Variants in ENOX1 observed in about 807,000 individuals in gnomAD.
ENOX1 encodes the protein ecto-NOX disulfide-thiol exchanger 1.
A neutral mutation model predicts 82.5 loss-of-function variants in ENOX1; 42 were observed. That is an observed-to-expected ratio of 0.51 (90% CI 0.40 to 0.66). The LOEUF is 0.66. Among genes scored for constraint, ENOX1 ranks in the 30% least tolerant of loss-of-function variants. ENOX1 has a pLI of 0.00. For synonymous variants in ENOX1, 271 were observed against 282.2 expected (o/e 0.96, Z 0.40); for missense variants, 608 against 811.6 (o/e 0.75, Z 3.05).
At chr13:43,379,132 G>T (rs1232672015) in intron 5 of ENOX1, among the ~76,000 whole-genome samples, 1 of 152,132 alleles carries the variant, frequency 6.6e-6, no homozygotes, top group Non-Finnish European at 1.5e-5. Flanking sequence ...AAGAAATGCA[G>T]CCCCGATGAC....
intron 16 of ENOX1, among the ~76,000 whole-genome samples, chr13:43,223,225 T>C (rs904239441): frequency 1.3e-5 from 2 of 152,174 alleles, no homozygotes; most frequent in East Asian, 3.9e-4. Flanking sequence ...TGGAGGACCT[T>C]CTTACTTATT....
intron 1 of ENOX1, among the ~76,000 whole-genome samples, chr13:43,758,468 AGAG>A (rs143448240): frequency 0.8 from 120,871 of 151,844 alleles, 50,071 homozygotes; most frequent in South Asian, 0.92. Context: ...GTTCACAGAC[AGAG>A]GAGGGACAAG....
At chr13:43,634,066 T>A (rs893283877) in intron 2 of ENOX1, among the ~76,000 whole-genome samples, 4 of 152,160 alleles carry the variant, frequency 2.6e-5, no homozygotes, top group Admixed American at 6.5e-5. Flanking sequence ...ACTGTTGAAC[T>A]GGCAGAAAGT....
chr13:43,418,576 G>A (rs2054779941), intron 3 of ENOX1, among the ~76,000 whole-genome samples: 2 of 152,144 alleles, frequency 1.3e-5, no homozygotes, highest in South Asian at 4.1e-4. Context: ...CTTAAAAGAT[G>A]TATAAATATT....
intron 3 of ENOX1, among the ~76,000 whole-genome samples, chr13:43,424,255 T>G (rs1034879257): frequency 6.6e-6 from 1 of 152,224 alleles, no homozygotes; most frequent in Non-Finnish European, 1.5e-5. Context: ...ATTCTATAAT[T>G]TGTGCTGTTT....
At chr13:43,381,471 T>TA (rs57762148) in intron 5 of ENOX1, among the ~76,000 whole-genome samples, 117,510 of 138,266 alleles carry the variant, frequency 0.85, 50,460 homozygotes, top group Non-Finnish European at 0.93. Context: ...TTCTATCTTA[T>TA]AAAAAAAAAA....
chr13:43,462,264 G>C (rs997802), intron 3 of ENOX1, among the ~76,000 whole-genome samples: 69,891 of 152,090 alleles, frequency 0.46, 16,481 homozygotes, highest in Non-Finnish European at 0.5. Context: ...TTTTCTTCTG[G>C]ATTTCAGAAT....
intron 14 of ENOX1, among the ~76,000 whole-genome samples, chr13:43,237,705 ATAGT>A (rs1453887725): frequency 6.6e-6 from 1 of 152,236 alleles, no homozygotes; most frequent in African/African-American, 2.4e-5. Context: ...AGATATTTAG[ATAGT>A]TAGTACAAAG....
chr13:43,680,888 C>T (rs1045130298), intron 1 of ENOX1, among the ~76,000 whole-genome samples: 1 of 152,080 alleles, frequency 6.6e-6, no homozygotes, highest in African/African-American at 2.4e-5. Context: ...CTTGTGTCTT[C>T]CTGATGAATC....
At chr13:43,275,433 T>TTCA (rs1177082285) in intron 12 of ENOX1, among the ~76,000 whole-genome samples, 3 of 152,208 alleles carry the variant, frequency 2.0e-5, no homozygotes, top group Non-Finnish European at 4.4e-5. Flanking sequence ...TTGTGATTAA[T>TTCA]TCAGGAATCT....
chr13:43,577,255 C>A (rs1206204548), intron 2 of ENOX1, among the ~76,000 whole-genome samples: 2 of 152,146 alleles, frequency 1.3e-5, no homozygotes, highest in Admixed American at 6.5e-5. Flanking sequence ...CCTCACTCTC[C>A]TGAGTAGCTG....
chr13:43,785,134 AAT>A (rs1158953631), intron 1 of ENOX1, among the ~76,000 whole-genome samples: 1 of 152,248 alleles, frequency 6.6e-6, no homozygotes, highest in Non-Finnish European at 1.5e-5. Context: ...TGGAATGAGC[AAT>A]ATCCATTACA....
At chr13:43,638,513 C>G (rs541441258) in intron 2 of ENOX1, among the ~76,000 whole-genome samples, 1 of 152,274 alleles carries the variant, frequency 6.6e-6, no homozygotes, top group Non-Finnish European at 1.5e-5. Context: ...GATTCCTAAC[C>G]TAGTAAACTT....
chr13:43,364,860 G>T (rs2050749116), intron 5 of ENOX1, among the ~76,000 whole-genome samples: 1 of 152,216 alleles, frequency 6.6e-6, no homozygotes, highest in Non-Finnish European at 1.5e-5. Context: ...AGAGGACACA[G>T]AGAGAGTCCA....
chr13:43,361,206 C>A, intron 6 of ENOX1, 73 bp downstream of exon 6: 1 of 1,494,972 alleles, frequency 6.7e-7, no homozygotes. Flanking sequence ...CTGAAAATGA[C>A]TGCAATGCCA....
chr13:43,765,743 C>T (rs534277335), intron 1 of ENOX1, among the ~76,000 whole-genome samples: 1 of 152,110 alleles, frequency 6.6e-6, no homozygotes, highest in East Asian at 1.9e-4. Context: ...ATTTCATCAC[C>T]TTTATAACTC....
intron 15 of ENOX1, among the ~76,000 whole-genome samples, chr13:43,226,729 T>C (rs2042041200): frequency 6.6e-6 from 1 of 151,978 alleles, no homozygotes; most frequent in South Asian, 2.1e-4. Context: ...TGTGAGCAGG[T>C]GAGGGGGTGC....
At chr13:43,283,688 A>G (rs2045531335) in intron 12 of ENOX1, among the ~76,000 whole-genome samples, 1 of 150,920 alleles carries the variant, frequency 6.6e-6, no homozygotes, top group South Asian at 2.1e-4. Context: ...GGGCTCAAGC[A>G]TATCCTCCCG....
chr13:43,278,274 C>T (rs2045177307), intron 12 of ENOX1, among the ~76,000 whole-genome samples: 1 of 152,264 alleles, frequency 6.6e-6, no homozygotes, highest in South Asian at 2.1e-4. Flanking sequence ...TTTATACAGT[C>T]TGCCCCAGCT....
Sources: allele counts gnomAD v4.1 joint callset (sites outside exome capture counted in the v4.1 genomes callset), GRCh38; gene constraint gnomAD v4.1.1; transcripts MANE v1.5; gene names NCBI Gene and HGNC (gene_info 2026-07-23, HGNC 2026-07-21).